Variants in TEKTIP1 observed in about 807,000 individuals in gnomAD.
TEKTIP1 encodes the protein tektin bundle-interacting protein 1.
At chr19:3,540,089 C>CTTTTTTTTTTTTTTTTTTT in the TEKTIP1 span, 2 of 88,190 alleles carry the variant, frequency 2.3e-5, no homozygotes, top group African/African-American at 3.9e-5. Context: ...CATCTCTTTT[C>CTTTTTTTTTTTTTTTTTTT]TTTTTTTTTT....
chr19:3,543,023 AT>A, the TEKTIP1 span: 1 of 1,605,346 alleles, frequency 6.2e-7, no homozygotes, highest in Non-Finnish European at 8.5e-7. Context: ...TTGGGGTGCG[AT>A]GTGTGGGGAG....
the TEKTIP1 span, chr19:3,542,995 T>G: frequency 6.3e-5 from 100 of 1,590,770 alleles, no homozygotes; most frequent in African/African-American, 1.0e-3. Context: ...CAGAAAGGTT[T>G]AGTGCTGACT....
At chr19:3,542,400 A>C in the TEKTIP1 span, 424 of 985,278 alleles carry the variant, frequency 4.3e-4, no homozygotes, top group Non-Finnish European at 4.9e-4. Flanking sequence ...GGGGCCAGCA[A>C]CCTTGTTTTC....
the TEKTIP1 span, among the ~76,000 whole-genome samples, chr19:3,540,858 C>T: frequency 2.1e-5 from 2 of 97,526 alleles, no homozygotes; most frequent in Non-Finnish European, 2.0e-5. Flanking sequence ...CAGCCCAGAG[C>T]GAAACTCCAT....
the TEKTIP1 span, chr19:3,543,568 C>A: frequency 2.6e-6 from 4 of 1,541,052 alleles, no homozygotes; most frequent in Admixed American, 2.0e-5. Context: ...ACACCCAGCA[C>A]CTGCGGGAGA....
At chr19:3,544,007 A>G in the TEKTIP1 span, 9 of 1,537,510 alleles carry the variant, frequency 5.9e-6, no homozygotes, top group Admixed American at 1.4e-4. Context: ...CCACTCCCCG[A>G]TAAAGGCATG....
the TEKTIP1 span, chr19:3,543,533 G>A: frequency 2.5e-5 from 33 of 1,297,586 alleles, no homozygotes; most frequent in Middle Eastern, 9.3e-4. Flanking sequence ...AGGAATGACC[G>A]CCAGCCCCCG....
the TEKTIP1 span, chr19:3,543,712 G>A: frequency 6.7e-7 from 1 of 1,502,246 alleles, no homozygotes; most frequent in Non-Finnish European, 8.9e-7. Flanking sequence ...GTCCTTGGGA[G>A]GCCAGGGGGA....
At chr19:3,540,289 A>G in the TEKTIP1 span, among the ~76,000 whole-genome samples, 50,780 of 147,664 alleles carry the variant, frequency 0.34, 14,002 homozygotes, top group African/African-American at 0.77. Flanking sequence ...ACGGAGTCTC[A>G]CTCTTGTCGC....
the TEKTIP1 span, chr19:3,543,517 G>A: frequency 4.6e-6 from 7 of 1,521,038 alleles, no homozygotes; most frequent in African/African-American, 7.1e-5. Flanking sequence ...CCTGCCAGAG[G>A]GGGACAGGAA....
At chr19:3,542,901 C>T in the TEKTIP1 span, 1 of 1,419,424 alleles carries the variant, frequency 7.0e-7, no homozygotes, top group Non-Finnish European at 9.5e-7. Flanking sequence ...GTCTTGGAGG[C>T]TGGACAAGGA....
the TEKTIP1 span, among the ~76,000 whole-genome samples, chr19:3,540,441 A>G: frequency 7.3e-5 from 11 of 151,452 alleles, no homozygotes; most frequent in East Asian, 1.8e-3. Context: ...TATTTTTAGT[A>G]GAGACGGGGT....
chr19:3,541,685 A>C, the TEKTIP1 span: 1 of 985,260 alleles, frequency 1.0e-6, no homozygotes, highest in African/African-American at 1.7e-5. Context: ...CAAGTGTGTA[A>C]TAACGGGGGT....
At chr19:3,539,569 G>A in the TEKTIP1 span, 2 of 372,704 alleles carry the variant, frequency 5.4e-6, no homozygotes. Context: ...GTGCGGGGCT[G>A]GGCCCTTCTG....
At chr19:3,543,803 C>G in the TEKTIP1 span, 19 of 1,503,444 alleles carry the variant, frequency 1.3e-5, no homozygotes, top group Non-Finnish European at 1.5e-5. Context: ...GGTGGGGGCA[C>G]ATGGTGACCC....
chr19:3,541,042 G>A, the TEKTIP1 span, among the ~76,000 whole-genome samples: 16 of 150,110 alleles, frequency 1.1e-4, no homozygotes, highest in Admixed American at 3.3e-4. Flanking sequence ...GGTGGCGGGC[G>A]CCTGCAATCC....
At chr19:3,543,774 T>G in the TEKTIP1 span, 1 of 1,490,470 alleles carries the variant, frequency 6.7e-7, no homozygotes, top group African/African-American at 1.4e-5. Context: ...AGGAGCCCCT[T>G]GCTGGCCAAC....
At chr19:3,539,574 C>CA in the TEKTIP1 span, 1 of 357,210 alleles carries the variant, frequency 2.8e-6, no homozygotes, top group Non-Finnish European at 5.2e-6. Flanking sequence ...GGGCTGGGCC[C>CA]TTCTGTGGCT....
At chr19:3,542,241 C>G in the TEKTIP1 span, 3 of 985,434 alleles carry the variant, frequency 3.0e-6, no homozygotes, top group Middle Eastern at 5.2e-4. Context: ...GTCCCTCAAA[C>G]AGGCTCTGTA....
Sources: gnomAD v4.1 joint callset for allele counts (sites outside exome capture counted in the v4.1 genomes callset) on GRCh38, gnomAD v4.1.1 for gene constraint, MANE v1.5 for transcripts, NCBI Gene and HGNC (gene_info 2026-07-23, HGNC 2026-07-21) for gene names.